RGS7BP: variants seen among roughly 807,000 people sequenced by gnomAD.
RGS7BP encodes regulator of G protein signaling 7 binding protein, also known as regulator of G protein signaling 7-binding protein.
In RGS7BP, 9 loss-of-function variants were observed where a neutral mutation model predicts 31.3. The observed-to-expected ratio is 0.29, with a 90% CI of 0.17 to 0.50. RGS7BP has a LOEUF of 0.50. Among genes scored for constraint, RGS7BP ranks in the 20% least tolerant of loss-of-function variants. The pLI is 0.98. For missense variants in RGS7BP, 274 were observed against 322.0 expected, an observed-to-expected ratio of 0.85 and a Z score of 1.14; for synonymous variants, 115 against 120.1, an observed-to-expected ratio of 0.96 and a Z score of 0.28.
intron 2 of RGS7BP, among the ~76,000 whole-genome samples, chr5:64,536,356 T>C (rs894499498): frequency 2.6e-5 from 4 of 152,212 alleles, no homozygotes; most frequent in Non-Finnish European, 4.4e-5. Context: ...GAGCATCAGA[T>C]ATCTCAGGTC....
intron 2 of RGS7BP, among the ~76,000 whole-genome samples, chr5:64,550,956 G>A (rs927803919): frequency 2.9e-4 from 44 of 151,570 alleles, no homozygotes; most frequent in South Asian, 8.4e-4. Context: ...TATATGTGCT[G>A]CATTTTCTTA....
intron 2 of RGS7BP, among the ~76,000 whole-genome samples, chr5:64,547,910 C>A (rs558753872): frequency 1.3e-5 from 2 of 152,010 alleles, no homozygotes; most frequent in Non-Finnish European, 2.9e-5. Flanking sequence ...TGCTAATAGG[C>A]CTTTTGGGGA....
chr5:64,525,237 C>T (rs1488208198), intron 2 of RGS7BP, among the ~76,000 whole-genome samples: 1 of 152,032 alleles, frequency 6.6e-6, no homozygotes, highest in African/African-American at 2.4e-5. Flanking sequence ...AGGAACAGAG[C>T]AAGTGATAAA....
chr5:64,607,063 T>G (rs954198096), intron 5 of RGS7BP, among the ~76,000 whole-genome samples: 4 of 152,058 alleles, frequency 2.6e-5, no homozygotes, highest in African/African-American at 4.8e-5. Flanking sequence ...TCTAGCTCTA[T>G]CTAAATATAT....
At chr5:64,605,027 T>C (rs571586109) in intron 5 of RGS7BP, among the ~76,000 whole-genome samples, 1 of 152,176 alleles carries the variant, frequency 6.6e-6, no homozygotes, top group Admixed American at 6.5e-5. Context: ...AAAATTTTTT[T>C]TAAAAATCTA....
At chr5:64,510,149 T>C (rs1748796642) in intron 2 of RGS7BP, among the ~76,000 whole-genome samples, 2 of 152,162 alleles carry the variant, frequency 1.3e-5, no homozygotes, top group South Asian at 4.1e-4. Context: ...AGAACTGGAT[T>C]TCTTGCGCGC....
chr5:64,568,795 T>TC (rs1363791139), intron 2 of RGS7BP, among the ~76,000 whole-genome samples: 19 of 150,014 alleles, frequency 1.3e-4, no homozygotes, highest in South Asian at 2.1e-4. Context: ...TTTTTTTTTT[T>TC]TTAGTGTTTA....
At chr5:64,528,585 G>A (rs973782888) in intron 2 of RGS7BP, among the ~76,000 whole-genome samples, 9 of 152,072 alleles carry the variant, frequency 5.9e-5, no homozygotes. Context: ...GCCGAGGTGG[G>A]CAGATCACCT....
chr5:64,574,778 T>C (rs1309655132), intron 2 of RGS7BP, among the ~76,000 whole-genome samples: 3 of 152,220 alleles, frequency 2.0e-5, no homozygotes. Flanking sequence ...AATTACCTCC[T>C]GATATATTGC....
intron 3 of RGS7BP, among the ~76,000 whole-genome samples, chr5:64,578,953 A>C (rs1580449727): frequency 6.6e-6 from 1 of 152,232 alleles, no homozygotes; most frequent in African/African-American, 2.4e-5. Context: ...GCTGGAAAAA[A>C]ATAAAACAAC....
intron 2 of RGS7BP, among the ~76,000 whole-genome samples, chr5:64,519,277 C>T (rs2111894779): frequency 6.6e-6 from 1 of 152,342 alleles, no homozygotes; most frequent in Middle Eastern, 3.4e-3. Context: ...TTGTTCCTTT[C>T]ATTAAACGTT....
At chr5:64,595,564 T>C in intron 4 of RGS7BP, among the ~76,000 whole-genome samples, 1 of 152,140 alleles carries the variant, frequency 6.6e-6, no homozygotes, top group East Asian at 1.9e-4. Context: ...ATAAATACCA[T>C]GTCCCATCTA....
chr5:64,546,313 G>A (rs1296663959), intron 2 of RGS7BP, among the ~76,000 whole-genome samples: 2 of 148,536 alleles, frequency 1.3e-5, no homozygotes, highest in Non-Finnish European at 3.0e-5. Flanking sequence ...AGATCACCAA[G>A]ATTAATGAAC....
At chr5:64,543,784 G>C (rs1408379304) in intron 2 of RGS7BP, among the ~76,000 whole-genome samples, 2 of 152,204 alleles carry the variant, frequency 1.3e-5, no homozygotes, top group Non-Finnish European at 2.9e-5. Context: ...GGTTGAGTAG[G>C]GCTGGAGCAA....
At chr5:64,577,627 A>G (rs1215655529) in intron 3 of RGS7BP, among the ~76,000 whole-genome samples, 1 of 152,126 alleles carries the variant, frequency 6.6e-6, no homozygotes, top group Non-Finnish European at 1.5e-5. Flanking sequence ...TGTTATTAAT[A>G]TAAGAGAGAT....
intron 2 of RGS7BP, among the ~76,000 whole-genome samples, chr5:64,521,429 G>A (rs902414241): frequency 7.2e-5 from 11 of 152,036 alleles, no homozygotes; most frequent in African/African-American, 2.7e-4. Flanking sequence ...GCTAATTTTT[G>A]TATTTTTAGT....
Position 64,537,311 on chromosome 5 carries a change from T to G in RGS7BP, c.332+29434T>G, listed in dbSNP as rs13360171. ...AATCTCATAATGTTTTAAGAAAGTT[T>G]ACAAATTTGTGTTGGGCCACATTCA... On this transcript the variant is annotated intron_variant, in intron 2 of 5. Coordinates refer to ENST00000334025, the MANE Select transcript of RGS7BP (RefSeq NM_001029875.3). Among the ~76,000 whole-genome samples the G allele has an allele frequency of 2.0e-5, 3 of 152,194 alleles. No individual in the cohort carries two copies. In the East Asian group the frequency reaches 5.8e-4, roughly 29 times the overall value.
Position 64,594,837 on chromosome 5 carries a change from A to G in RGS7BP, c.591A>G (p.Thr197=), listed in dbSNP as rs781521074. 3.7e-6 allele frequency: 6 copies of G among 1,613,630 alleles called. No individual in the cohort carries two copies. The Admixed American group carries it at 1.0e-4, about 27-fold the overall frequency. Residue 197 remains threonine (T), a synonymous_variant, in exon 4 of 6, where the codon ACA becomes ACG. Transcript: ENST00000334025. ...DSQQHSWQVS[T]DIENTERDMR... ...AGCAACATTCCTGGCAGGTTTCCAC[A>G]GACATTGAGAACACTGAAAGGTAAG... is the stretch of plus-strand genomic sequence containing the variant.
intron 2 of RGS7BP, among the ~76,000 whole-genome samples, chr5:64,518,345 A>G (rs1452129647): frequency 3.6e-5 from 5 of 140,474 alleles, no homozygotes; most frequent in Admixed American, 7.1e-5. Flanking sequence ...CCTTGTATTC[A>G]TGGTGTGTGT....
Sources: gnomAD v4.1 joint callset for allele counts (sites outside exome capture counted in the v4.1 genomes callset) on GRCh38, gnomAD v4.1.1 for gene constraint, MANE v1.5 for transcripts, NCBI Gene and HGNC (gene_info 2026-07-23, HGNC 2026-07-21) for gene names.